Variants in ABR observed in about 807,000 individuals in gnomAD.
The protein encoded by ABR is ABR activator of RhoGEF and GTPase.
In ABR, 35 loss-of-function variants were observed where a neutral mutation model predicts 107.2. The ratio of observed to expected loss-of-function variants is 0.33; its 90% CI spans 0.25 to 0.43. ABR has a LOEUF of 0.43. Among genes scored for constraint, ABR ranks in the 20% least tolerant of loss-of-function variants. The pLI is 1.00. For synonymous variants in ABR, 498 were observed against 462.0 expected (o/e 1.08, Z -1.00); for missense variants, 815 against 1,115.2 (o/e 0.73, Z 3.83).
chr17:1,095,158 C>G (rs908174233), intron 3 of ABR, among the ~76,000 whole-genome samples: 4 of 152,212 alleles, frequency 2.6e-5, no homozygotes, highest in African/African-American at 9.6e-5. Flanking sequence ...TCAGCAGTCC[C>G]AGGAAGGCCA....
Position 1,072,600 on chromosome 17 carries a change from G to T in ABR, c.894+14C>A, listed in dbSNP as rs770122891. ...TCAGCCTGGGTGAGGGGCCGTGCCG[G>T]GCTCTGAGCTCACCTCCCCCTTGGG... On this transcript the variant is annotated intron_variant, in intron 8 of 22. Transcript: ENST00000302538. 3 of 1,597,162 alleles carry T rather than the reference G, an allele frequency of 1.9e-6. No homozygotes were observed. Among genetic ancestry groups the T allele is most frequent in the Admixed American group, 3.6e-5 (2 of 55,928 alleles).
Position 1,010,648 on chromosome 17 carries a change from TCTC to T in ABR, c.2236+78_2236+80del. ...GCCAGCAAAGGAAGCCACAGATATTTCTCCTGCTGGTTACTTCTCCGGGCAGGG... is the reference window on the plus strand; with the variant it reads ...GCCAGCAAAGGAAGCCACAGATATTTCTGCTGGTTACTTCTCCGGGCAGGG... On this transcript the variant is annotated intron_variant, in intron 20 of 22. Transcript: ENST00000302538. The surrounding 1 kb of genome is among the most constrained non-coding windows in gnomAD (Gnocchi z 4.1). 1 of 1,557,140 alleles carries T rather than the reference TCTC, an allele frequency of 6.4e-7. No homozygotes were observed. Among genetic ancestry groups the T allele is most frequent in the African/African-American group, 1.4e-5 (1 of 73,798 alleles).
chr17:1,189,944 A>G (rs1828874594), upstream of ABR, among the ~76,000 whole-genome samples: 1 of 152,228 alleles, frequency 6.6e-6, no homozygotes, highest in African/African-American at 2.4e-5. Context: ...CCTGGTCACA[A>G]AGAGCCTGGA....
At chr17:1,136,310 G>GGTTCAAGTGATTCTCTTGC (rs2040065306) in intron 1 of ABR, among the ~76,000 whole-genome samples, 8 of 149,788 alleles carry the variant, frequency 5.3e-5, no homozygotes, top group Admixed American at 1.3e-4. Flanking sequence ...CTCACTGCAA[G>GGTTCAAGTGATTCTCTTGC]CTCCACCTCC....
chr17:1,144,571 G>C (rs182668586), intron 1 of ABR, among the ~76,000 whole-genome samples: 1 of 147,966 alleles, frequency 6.8e-6, no homozygotes, highest in African/African-American at 2.5e-5. Flanking sequence ...AAACAATAAC[G>C]CGTTCAGTCA....
At chr17:1,214,045 G>A (rs529770583) in intron 1 of ABR, among the ~76,000 whole-genome samples, 1 of 151,744 alleles carries the variant, frequency 6.6e-6, no homozygotes, top group Non-Finnish European at 1.5e-5. Flanking sequence ...CCGCCACCAC[G>A]CCCGGCTAAT....
chr17:1,070,200 T>C lies in ABR; in HGVS notation c.895-110A>G. The stretch of plus-strand genomic sequence containing the variant: ...GGGAGGACTGGACCGAGAGGCGGCA[T>C]AGCCTGTCATCCCTTAACCAAAGGT... On this transcript the variant is annotated intron_variant, in intron 8 of 22. Transcript: ENST00000302538. This position sits in a 1 kb window ranked among gnomAD's most constrained non-coding sequence, Gnocchi z 4.2. 1.4e-6 allele frequency: 2 copies of C among 1,426,926 alleles called. No individual in the cohort carries two copies. Among genetic ancestry groups the C allele is most frequent in the East Asian group, 2.3e-5 (1 of 42,566 alleles). The allele number at this position is 1,426,926 out of a possible 1,614,324, so 88.4% of individuals were successfully genotyped here. A position where few individuals can be genotyped will look rare whatever the true frequency, so the allele number is the denominator to read the frequency against.
At chr17:1,211,327 A>C (rs1277451134) in intron 1 of ABR, among the ~76,000 whole-genome samples, 1 of 151,854 alleles carries the variant, frequency 6.6e-6, no homozygotes, top group Non-Finnish European at 1.5e-5. Context: ...TGAAAAATAA[A>C]TAAAAATATG....
chr17:1,218,154 T>C (rs1259791700), intron 1 of ABR, among the ~76,000 whole-genome samples: 2 of 152,216 alleles, frequency 1.3e-5, no homozygotes, highest in African/African-American at 4.8e-5. Context: ...CCGGACCCCA[T>C]GCTACATTAT....
At position 1,193,524 on chromosome 17, in the gene ABR, G is replaced by A. The variant is rs1043276518; in HGVS notation, c.838+35269C>T. Among the ~76,000 whole-genome samples, 8 of 152,080 alleles carry A rather than the reference G, an allele frequency of 5.3e-5. No homozygotes were observed. The South Asian group carries it at 8.3e-4, about 16-fold the overall frequency. Reference sequence around the variant, plus strand: ...CCAAGTTCTCACTCGGGTCTGGCTCGGTCCAGAGCAATTGTACCTGGCCAC... The same window carrying A: ...CCAAGTTCTCACTCGGGTCTGGCTCAGTCCAGAGCAATTGTACCTGGCCAC... On this transcript the variant is annotated intron_variant, in intron 1 of 22. Transcript: ENST00000574139.
At chr17:1,188,852 G>T (rs988019959), upstream of ABR, among the ~76,000 whole-genome samples, 4 of 152,226 alleles carry the variant, frequency 2.6e-5, no homozygotes, top group Non-Finnish European at 5.9e-5. Context: ...CTTCACAAGG[G>T]AAGCCGGTGC....
chr17:1,064,113 T>C (rs56367162), intron 10 of ABR, among the ~76,000 whole-genome samples: 608 of 45,658 alleles, frequency 0.013, no homozygotes, highest in African/African-American at 0.028. Flanking sequence ...CTAGACACTG[T>C]TGTTATGTGA....
intron 1 of ABR, among the ~76,000 whole-genome samples, chr17:1,194,408 T>C (rs1004492128): frequency 6.6e-6 from 1 of 151,050 alleles, no homozygotes; most frequent in African/African-American, 2.4e-5. Flanking sequence ...ATGTTGGCCA[T>C]GCTGGTCTCA....
At chr17:1,169,032 TC>T (rs1238219026) in intron 1 of ABR, among the ~76,000 whole-genome samples, 8 of 152,186 alleles carry the variant, frequency 5.3e-5, no homozygotes, top group Non-Finnish European at 1.2e-4. Context: ...CTCATGACCC[TC>T]CCCGTGACGC....
intron 1 of ABR, among the ~76,000 whole-genome samples, chr17:1,140,154 C>G (rs138611307): frequency 1.3e-5 from 2 of 152,306 alleles, no homozygotes; most frequent in Admixed American, 6.5e-5. Flanking sequence ...CGTGCTTTGT[C>G]AAAGGTGACC....
At chr17:1,067,362 G>A (rs546877886) in intron 9 of ABR, 120 bp from the exon 10 acceptor site, 59 of 914,344 alleles carry the variant, frequency 6.5e-5, no homozygotes, top group East Asian at 6.1e-4. Flanking sequence ...CCAGAAGCAA[G>A]AACGATCCCT....
Position 1,031,413 on chromosome 17 carries a change from G to A in ABR, c.1792-18249C>T, listed in dbSNP as rs561891490. Among the ~76,000 whole-genome samples the A allele has an allele frequency of 3.9e-5, 6 of 152,242 alleles. No individual in the cohort carries two copies. The East Asian group carries it at 9.7e-4, about 25-fold the overall frequency. ...CGAGCGCCAGGGTCCGGGTGGGGGCGGCCCCAGCGTTCGCCATCAAGTTCA... is the reference window on the plus strand; with the variant it reads ...CGAGCGCCAGGGTCCGGGTGGGGGCAGCCCCAGCGTTCGCCATCAAGTTCA... On this transcript the variant is annotated intron_variant, in intron 16 of 22. Coordinates refer to ENST00000302538, the MANE Select transcript of ABR (RefSeq NM_021962.5).
intron 1 of ABR, among the ~76,000 whole-genome samples, chr17:1,198,588 A>C (rs1350325649): frequency 6.6e-6 from 1 of 151,126 alleles, no homozygotes; most frequent in African/African-American, 2.5e-5. Context: ...CTAAAAATAC[A>C]ATATTAACCA....
In ABR at chr17:1,109,594, C is replaced by A. The variant is rs568621250; in HGVS notation, c.247-8859G>T. ...CGCTTCCCAGACGCATCTTCATTCC[C>A]CGCGCGCGGCCGAGCCAGGAGCCCG... is the stretch of plus-strand genomic sequence containing the variant. On this transcript the variant is annotated intron_variant, in intron 2 of 22. Coordinates refer to ENST00000302538, the MANE Select transcript of ABR (RefSeq NM_021962.5). Among the ~76,000 whole-genome samples the A allele has an allele frequency of 3.3e-5, 5 of 152,134 alleles. No homozygotes were observed. The East Asian group carries it at 9.7e-4, about 30-fold the overall frequency.
Sources: gnomAD v4.1 joint callset for allele counts (sites outside exome capture counted in the v4.1 genomes callset) on GRCh38, gnomAD v4.1.1 for gene constraint, Gnocchi (gnomAD v3.1) non-coding constraint, MANE v1.5 for transcripts, NCBI Gene and HGNC (gene_info 2026-07-23, HGNC 2026-07-21) for gene names.